Variants in NR6A1 observed in about 807,000 individuals in gnomAD.
The protein encoded by NR6A1 is nuclear receptor subfamily 6 group A member 1, also known as retinoic acid receptor-related testis-associated receptor.
NR6A1 carries 7 observed loss-of-function variants against 59.1 expected under a neutral mutation model. The ratio of observed to expected loss-of-function variants is 0.12; its 90% confidence interval spans 0.07 to 0.22. The LOEUF is 0.22. NR6A1 is among the 10% of genes least tolerant of loss of function. The pLI is 1.00. For missense variants in NR6A1, 468 were observed against 611.6 expected (o/e 0.77, Z 2.48); for synonymous variants, 243 against 236.1 (o/e 1.03, Z -0.27).
intron 2 of NR6A1, among the ~76,000 whole-genome samples, chr9:124,683,994 T>G (rs1031407564): frequency 6.6e-6 from 1 of 152,190 alleles, no homozygotes; most frequent in South Asian, 2.1e-4. Flanking sequence ...ACTAGCAAAG[T>G]GGCATTTTTG....
chr9:124,565,550 C>T (rs1834215138), intron 2 of NR6A1, among the ~76,000 whole-genome samples: 1 of 151,860 alleles, frequency 6.6e-6, no homozygotes, highest in Admixed American at 6.6e-5. Flanking sequence ...AAAAGGCAAG[C>T]CACAGCATGG....
At chr9:124,741,131 T>C (rs2182694) in intron 1 of NR6A1, among the ~76,000 whole-genome samples, 1,660 of 152,278 alleles carry the variant, frequency 0.011, 27 homozygotes, top group African/African-American at 0.036. Flanking sequence ...ATGTGGCCAA[T>C]GAGTACTTGG....
At chr9:124,641,674 G>A (rs1233025470) in intron 2 of NR6A1, among the ~76,000 whole-genome samples, 2 of 152,234 alleles carry the variant, frequency 1.3e-5, no homozygotes, top group African/African-American at 4.8e-5. Flanking sequence ...GCAACACAGT[G>A]AGACCCTGTT....
intron 2 of NR6A1, chr9:124,693,924 G>A (rs1331774820): frequency 1.5e-5 from 5 of 329,814 alleles, no homozygotes; most frequent in Non-Finnish European, 2.5e-5. Flanking sequence ...GTTCTAACAT[G>A]GAGTAAGTTC....
intron 2 of NR6A1, among the ~76,000 whole-genome samples, chr9:124,690,513 G>T (rs16927587): frequency 0.024 from 3,614 of 152,048 alleles, 116 homozygotes; most frequent in East Asian, 0.096. Context: ...TTAAATAGTT[G>T]GATTGGCTTG....
chr9:124,671,396 A>T (rs1837791038), intron 2 of NR6A1, among the ~76,000 whole-genome samples: 1 of 152,138 alleles, frequency 6.6e-6, no homozygotes, highest in East Asian at 1.9e-4. Flanking sequence ...ATGGTATCTG[A>T]TTTGCAAGGC....
chr9:124,680,100 G>A lies in NR6A1; in HGVS notation c.142+53208C>T, dbSNP rs59437273. On this transcript the variant is annotated intron_variant, in intron 2 of 9. Transcript: ENST00000487099. ...TGTCTGTGTGTATGTATGTGTGTGT[G>A]TGTGTGTGTGTGTGTGTGTGTTTAT... is the stretch of plus-strand genomic sequence containing the variant. 6.0e-4 allele frequency among the ~76,000 whole-genome samples: 89 copies of A among 149,388 alleles called. 1 individual carries two copies. The South Asian group carries it at 0.016, about 27-fold the overall frequency.
chr9:124,624,113 C>T (rs1181021438), intron 2 of NR6A1, among the ~76,000 whole-genome samples: 2 of 152,212 alleles, frequency 1.3e-5, no homozygotes, highest in Non-Finnish European at 2.9e-5. Flanking sequence ...GTACTACAAG[C>T]TCTTAACTAC....
chr9:124,720,919 TCCCATG>T (rs1323492983), intron 2 of NR6A1, among the ~76,000 whole-genome samples: 2 of 152,110 alleles, frequency 1.3e-5, no homozygotes, highest in Non-Finnish European at 2.9e-5. Context: ...AGAGAAGAAT[TCCCATG>T]TATTCCCTTG....
intron 2 of NR6A1, among the ~76,000 whole-genome samples, chr9:124,662,407 T>C (rs1457722058): frequency 1.3e-5 from 2 of 152,122 alleles, no homozygotes; most frequent in Non-Finnish European, 2.9e-5. Context: ...AATTTACCCC[T>C]CTGAAACTTA....
intron 8 of NR6A1, among the ~76,000 whole-genome samples, chr9:124,525,619 A>C (rs1233752688): frequency 6.6e-6 from 1 of 151,818 alleles, no homozygotes; most frequent in East Asian, 1.9e-4. Context: ...GGCCTCTCCA[A>C]GAGTTGGGAT....
chr9:124,758,009 A>G (rs1346474877), intron 1 of NR6A1, among the ~76,000 whole-genome samples: 1 of 152,258 alleles, frequency 6.6e-6, no homozygotes, highest in Non-Finnish European at 1.5e-5. Context: ...TTTATCTCCA[A>G]ATGTTAAATG....
At chr9:124,531,558 T>C (rs1336864353) in intron 7 of NR6A1, among the ~76,000 whole-genome samples, 1 of 152,124 alleles carries the variant, frequency 6.6e-6, no homozygotes, top group Non-Finnish European at 1.5e-5. Flanking sequence ...CTCCACAGCC[T>C]GGGTTTCTAG....
intron 2 of NR6A1, among the ~76,000 whole-genome samples, chr9:124,598,108 C>G (rs1179587792): frequency 1.3e-5 from 2 of 152,190 alleles, no homozygotes; most frequent in African/African-American, 4.8e-5. Flanking sequence ...CTTAACCTCT[C>G]AAAGTGCTGG....
intron 2 of NR6A1, among the ~76,000 whole-genome samples, chr9:124,705,301 C>G (rs972250689): frequency 6.6e-6 from 1 of 152,152 alleles, no homozygotes; most frequent in African/African-American, 2.4e-5. Flanking sequence ...AAATTAAAAT[C>G]TACAATTACT....
At chr9:124,670,909 G>GA (rs529473469) in intron 2 of NR6A1, among the ~76,000 whole-genome samples, 6 of 151,864 alleles carry the variant, frequency 4.0e-5, no homozygotes, top group Non-Finnish European at 8.8e-5. Context: ...TTATTCAGAT[G>GA]AAAAAAAATG....
At chr9:124,769,351 C>T (rs1246184268) in intron 1 of NR6A1, among the ~76,000 whole-genome samples, 1 of 152,060 alleles carries the variant, frequency 6.6e-6, no homozygotes, top group Non-Finnish European at 1.5e-5. Flanking sequence ...GGACTTTTCC[C>T]TTTTGTAAAA....
At chr9:124,564,871 C>T (rs181061769) in intron 2 of NR6A1, among the ~76,000 whole-genome samples, 6 of 151,956 alleles carry the variant, frequency 3.9e-5, no homozygotes, top group Admixed American at 3.9e-4. Context: ...ATAAATAGAC[C>T]AAAGGCATGG....
At chr9:124,692,474 C>A (rs1838584247) in intron 2 of NR6A1, 1 of 531,768 alleles carries the variant, frequency 1.9e-6, no homozygotes, top group Non-Finnish European at 3.9e-6. Flanking sequence ...TCAGAGGACT[C>A]CAAGGAACAT....
Sources: gnomAD v4.1 joint callset for allele counts (sites outside exome capture counted in the v4.1 genomes callset) on GRCh38, gnomAD v4.1.1 for gene constraint, MANE v1.5 for transcripts, NCBI Gene and HGNC (gene_info 2026-07-23, HGNC 2026-07-21) for gene names.